CCDC38: variants seen among roughly 807,000 people sequenced by gnomAD.
CCDC38 encodes the protein coiled-coil domain containing 38.
Under a neutral mutation model 72.8 loss-of-function variants are expected in CCDC38, and 69 were observed. That is an observed-to-expected ratio of 0.95 (90% CI 0.78 to 1.16). CCDC38 has a LOEUF of 1.16. CCDC38 is among the 50% of genes most tolerant of loss of function. CCDC38 has a pLI of 0.00. For synonymous variants in CCDC38, 201 were observed against 213.2 expected (o/e 0.94, Z 0.50); for missense variants, 626 against 638.9 (o/e 0.98, Z 0.22).
intron 2 of CCDC38, among the ~76,000 whole-genome samples, chr12:95,935,750 T>C (rs1252739229): frequency 6.6e-6 from 1 of 152,180 alleles, no homozygotes; most frequent in Non-Finnish European, 1.5e-5. Context: ...ATTCCTTATA[T>C]ACCAATAAAT....
At chr12:95,936,059 C>G (rs1015082694) in intron 2 of CCDC38, among the ~76,000 whole-genome samples, 1 of 150,616 alleles carries the variant, frequency 6.6e-6, no homozygotes, top group African/African-American at 2.4e-5. Flanking sequence ...GCTTGGGCAA[C>G]AAGAACGAAA....
Position 95,936,479 on chromosome 12 carries a change from A to C in CCDC38, c.31T>G (p.Ser11Ala). Residue 11 changes from serine to alanine, a missense_variant, in exon 2 of 16, where the codon TCT becomes GCT. Transcript: ENST00000344280. Reference protein sequence around the residue: MSSNLLPTLNSGGKVKDGSTK... With the variant: MSSNLLPTLNAGGKVKDGSTK... ...TTGATTGATTTCTTTTTACCTCCAG[A>C]ATTCAGTGTTGGCAATAAATTTGAG... The C allele has an allele frequency of 6.2e-7, 1 of 1,612,948 alleles. No individual in the cohort carries two copies. Among genetic ancestry groups the C allele is most frequent in the Non-Finnish European group, 8.5e-7 (1 of 1,179,782 alleles).
intron 4 of CCDC38, among the ~76,000 whole-genome samples, chr12:95,910,420 CACAA>C (rs1172781081): frequency 1.3e-5 from 2 of 152,066 alleles, no homozygotes; most frequent in East Asian, 3.8e-4. Context: ...TCATAGATGA[CACAA>C]ACAAATTGAA....
intron 2 of CCDC38, among the ~76,000 whole-genome samples, chr12:95,936,040 T>G (rs1243040709): frequency 6.6e-6 from 1 of 151,844 alleles, no homozygotes; most frequent in African/African-American, 2.4e-5. Context: ...ATTGCGCCAA[T>G]GCACTCCAGC....
chr12:95,877,173 C>T (rs1396668438), intron 13 of CCDC38, among the ~76,000 whole-genome samples: 2 of 152,186 alleles, frequency 1.3e-5, no homozygotes, highest in East Asian at 3.8e-4. Context: ...ATCACCCCAA[C>T]ATCTGGACCC....
chr12:95,927,029 A>T (rs11524547), intron 2 of CCDC38, among the ~76,000 whole-genome samples: 5 of 151,614 alleles, frequency 3.3e-5, no homozygotes, highest in Non-Finnish European at 5.9e-5. Flanking sequence ...TTGATTTGGG[A>T]TGGAGAGTTC....
At chr12:95,924,533 C>T (rs1361129630) in intron 2 of CCDC38, among the ~76,000 whole-genome samples, 11 of 148,258 alleles carry the variant, frequency 7.4e-5, no homozygotes, top group Non-Finnish European at 1.7e-4. Flanking sequence ...TGCAGAAGCT[C>T]TTTAGTTTAA....
intron 5 of CCDC38, among the ~76,000 whole-genome samples, chr12:95,904,988 G>A (rs947401895): frequency 1.3e-5 from 2 of 152,228 alleles, no homozygotes; most frequent in Admixed American, 1.3e-4. Context: ...GGATCCCCAA[G>A]GACACCAAAC....
At position 95,916,379 on chromosome 12, in the gene CCDC38, G is replaced by GCCTTCCTTCCTT. The variant is rs63210665; in HGVS notation, c.304+738_304+749dup. ...GAAAATTTTTTTAAGTTGCCTGCCTGCCTTCCTTCCTTCCTTCCTTCCTTC... is the reference window on the plus strand; with the variant it reads ...GAAAATTTTTTTAAGTTGCCTGCCTGCCTTCCTTCCTTCCTTCCTTCCTTCCTTCCTTCCTTC... On this transcript the variant is annotated intron_variant, in intron 4 of 15. Coordinates refer to ENST00000344280, the MANE Select transcript of CCDC38 (RefSeq NM_182496.3). 9.2e-3 allele frequency among the ~76,000 whole-genome samples: 1,352 copies of GCCTTCCTTCCTT among 147,438 alleles called. 12 individuals carry two copies. The highest frequency in any genetic ancestry group is 0.024 in the African/African-American group (956 of 39,816).
rs189906612 is a variant in CCDC38, at chr12:95,873,057, G to C, written c.1279-597C>G. Among the ~76,000 whole-genome samples, 3 of 152,194 alleles carry C rather than the reference G, an allele frequency of 2.0e-5. No homozygotes were observed. In the East Asian group the frequency reaches 5.8e-4, roughly 29 times the overall value. On this transcript the variant is annotated intron_variant, in intron 13 of 15. Coordinates refer to ENST00000344280, the MANE Select transcript of CCDC38 (RefSeq NM_182496.3). ...TTTGCTTGAATGTTTTTGTATATCT[G>C]ACTCCCTAAGAATTCAAATACAGGC...
intron 4 of CCDC38, among the ~76,000 whole-genome samples, chr12:95,915,996 C>T (rs17311550): frequency 0.12 from 17,871 of 152,182 alleles, 1,442 homozygotes; most frequent in Middle Eastern, 0.22. Flanking sequence ...CTGGAGTGTC[C>T]TGGGTATTTT....
chr12:95,895,014 A>G lies in CCDC38; in HGVS notation c.747T>C (p.Asn249=), dbSNP rs189253057. The G allele has an allele frequency of 5.0e-5, 81 of 1,608,884 alleles. No homozygotes were observed. The Middle Eastern group carries it at 2.3e-3, about 46-fold the overall frequency. Residue 249 remains asparagine, a synonymous_variant, in exon 8 of 16, where the codon AAT becomes AAC. Coordinates refer to ENST00000344280, the MANE Select transcript of CCDC38 (RefSeq NM_182496.3). Reference sequence around the variant, plus strand: ...TTGCTAATATTTTTGGAAGGATGATATTTGCTTTACTTTTTGATGCCTGTG... The same window carrying G: ...TTGCTAATATTTTTGGAAGGATGATGTTTGCTTTACTTTTTGATGCCTGTG... The part of the protein sequence containing the change: ...KRAQASKSKA[N]IILPKILAKL...
intron 10 of CCDC38, among the ~76,000 whole-genome samples, chr12:95,886,900 T>C (rs906953778): frequency 6.6e-6 from 1 of 152,168 alleles, no homozygotes; most frequent in African/African-American, 2.4e-5. Context: ...AAACTGAACA[T>C]GCGGCCGGGC....
At position 95,917,279 on chromosome 12, in the gene CCDC38, G is replaced by A. The variant is rs142707475; in HGVS notation, c.154C>T (p.Arg52Cys). 2.5e-4 allele frequency: 396 copies of A among 1,592,338 alleles called. No individual in the cohort carries two copies. In the African/African-American group the frequency reaches 4.8e-3, roughly 19 times the overall value. The stretch of plus-strand genomic sequence containing the variant: ...GTTTTCTGGTAGACTTTCATGTTAC[G>A]GTTCATAAATTTTTCCTGCCCAAGT... Reference protein sequence around the residue: ...AAKETEKFMNRNMKVYQKTTF... With the variant: ...AAKETEKFMNCNMKVYQKTTF... Residue 52 changes from arginine to cysteine, a missense_variant, in exon 4 of 16, where the codon CGT (arginine) becomes TGT (cysteine). By Grantham distance (180) the Arg-to-Cys change is radical (BLOSUM62 -3). Coordinates refer to ENST00000344280, the MANE Select transcript of CCDC38 (RefSeq NM_182496.3).
At chr12:95,869,323 C>G (rs1056642021) in intron 15 of CCDC38, among the ~76,000 whole-genome samples, 157 bp downstream of exon 15, 4 of 151,574 alleles carry the variant, frequency 2.6e-5, no homozygotes, top group Admixed American at 2.6e-4. Context: ...TTGAATTATT[C>G]TAAAAGTAAC....
chr12:95,911,030 G>A (rs1646909242), intron 4 of CCDC38, among the ~76,000 whole-genome samples: 1 of 152,050 alleles, frequency 6.6e-6, no homozygotes, highest in African/African-American at 2.4e-5. Flanking sequence ...CATGGTACTG[G>A]TACAAAAATA....
At chr12:95,933,279 T>G (rs2080357056) in intron 2 of CCDC38, 1 of 152,162 alleles carries the variant, frequency 6.6e-6, no homozygotes, top group Non-Finnish European at 1.5e-5. Flanking sequence ...AGAAAATATT[T>G]GTACTCCATA....
rs1292465160 is a variant in CCDC38, at chr12:95,918,060, T to C, written c.139-766A>G. Reference sequence around the variant, plus strand: ...AACCATCGCATACAGATGAATCTGTTGTTGAGCATTTCTAGATAATTTCCT... The same window carrying C: ...AACCATCGCATACAGATGAATCTGTCGTTGAGCATTTCTAGATAATTTCCT... On this transcript the variant is annotated intron_variant, in intron 3 of 15. Transcript: ENST00000344280. Among the ~76,000 whole-genome samples the C allele has an allele frequency of 2.6e-5, 4 of 152,196 alleles. 1 individual carries two copies. Among genetic ancestry groups the C allele is most frequent in the Non-Finnish European group, 5.9e-5 (4 of 68,030 alleles).
At chr12:95,914,179 G>A (rs1301251109) in intron 4 of CCDC38, among the ~76,000 whole-genome samples, 1 of 152,038 alleles carries the variant, frequency 6.6e-6, no homozygotes, top group Non-Finnish European at 1.5e-5. Flanking sequence ...CAAAAAATTA[G>A]CCAGGTATAG....
Sources: allele counts gnomAD v4.1 joint callset (sites outside exome capture counted in the v4.1 genomes callset), GRCh38; gene constraint gnomAD v4.1.1; transcripts MANE v1.5; gene names NCBI Gene and HGNC (gene_info 2026-07-23, HGNC 2026-07-21).